The following LDB2 variants were observed in gnomAD, a reference collection of about 807,000 sequenced individuals.
LDB2 encodes the protein LIM domain binding 2.
LDB2 carries 12 observed loss-of-function variants against 44.3 expected under a neutral mutation model. The observed-to-expected ratio is 0.27, with a 90% CI of 0.17 to 0.44. The LOEUF (loss-of-function observed/expected upper bound fraction) is 0.44, where lower values mean the gene tolerates loss of function less well. LDB2 is among the 20% of genes least tolerant of loss of function. The pLI is 1.00. For synonymous variants in LDB2, 164 were observed against 174.8 expected (o/e 0.94, Z 0.49); for missense variants, 344 against 473.5 (o/e 0.73, Z 2.54).
chr4:16,691,283 C>G (rs1750721418), intron 2 of LDB2, among the ~76,000 whole-genome samples: 1 of 152,078 alleles, frequency 6.6e-6, no homozygotes, highest in Admixed American at 6.5e-5. Flanking sequence ...ATTCATTCAA[C>G]AAAGAGTTAA....
At chr4:16,668,298 GA>G (rs1743843633) in intron 2 of LDB2, among the ~76,000 whole-genome samples, 1 of 152,174 alleles carries the variant, frequency 6.6e-6, no homozygotes, top group Non-Finnish European at 1.5e-5. Flanking sequence ...TCACTGCTCT[GA>G]AATTGCCTGT....
At chr4:16,661,869 G>A (rs1350849240) in intron 2 of LDB2, among the ~76,000 whole-genome samples, 1 of 152,144 alleles carries the variant, frequency 6.6e-6, no homozygotes, top group South Asian at 2.1e-4. Flanking sequence ...AGACTTTCCA[G>A]GAATTAGTGA....
At chr4:16,647,379 T>C (rs140850222) in intron 2 of LDB2, among the ~76,000 whole-genome samples, 1 of 152,330 alleles carries the variant, frequency 6.6e-6, no homozygotes, top group African/African-American at 2.4e-5. Flanking sequence ...TCAATGAATA[T>C]AGCAAAAATT....
intron 5 of LDB2, among the ~76,000 whole-genome samples, chr4:16,530,342 GT>G (rs1237727870): frequency 1.3e-5 from 2 of 152,168 alleles, no homozygotes; most frequent in Non-Finnish European, 2.9e-5. Flanking sequence ...TTTGCTTTCA[GT>G]TGGGTCTAGT....
At chr4:16,796,998 A>G (rs1440926934) in intron 1 of LDB2, among the ~76,000 whole-genome samples, 1 of 152,238 alleles carries the variant, frequency 6.6e-6, no homozygotes, top group Non-Finnish European at 1.5e-5. Flanking sequence ...GCAACGTGGT[A>G]TTGTGCAGGG....
intron 2 of LDB2, 111 bp downstream of exon 2, chr4:16,759,047 G>A (rs1767301926): frequency 1.5e-6 from 1 of 672,870 alleles, no homozygotes; most frequent in Non-Finnish European, 2.6e-6. Context: ...ATTCTCAGGA[G>A]TGGAGGTATT....
rs1717755039 is a variant in LDB2, at chr4:16,502,437, A to G, written c.*206T>C. 1 of 685,892 alleles carries G rather than the reference A, an allele frequency of 1.5e-6. No homozygotes were observed. The highest frequency in any genetic ancestry group is 2.4e-6 in the Non-Finnish European group (1 of 419,154). 42.5% of individuals were successfully genotyped at this position (685,892 alleles called of 1,614,324 possible). ...ATCTGTATTACCTGTGAAGGCCTCCAAGAAAGGGTCATGGAAGCTTACTGG... is the reference window on the plus strand; with the variant it reads ...ATCTGTATTACCTGTGAAGGCCTCCGAGAAAGGGTCATGGAAGCTTACTGG... On this transcript the variant is annotated 3_prime_UTR_variant, in exon 8 of 8. Transcript: ENST00000304523.
At position 16,847,139 on chromosome 4, in the gene LDB2, C is replaced by A. The variant is rs1005587466; in HGVS notation, c.132+51215G>T. On this transcript the variant is annotated intron_variant, in intron 1 of 7. Coordinates refer to ENST00000304523, the MANE Select transcript of LDB2 (RefSeq NM_001290.5). ...AAATCCCCCGTAATTGTTTTTATGG[C>A]AAGATAAAAACATTTCTATATGTTG... is the stretch of plus-strand genomic sequence containing the variant. 3.3e-5 allele frequency among the ~76,000 whole-genome samples: 5 copies of A among 152,216 alleles called. No individual in the cohort carries two copies. In the East Asian group the frequency reaches 7.7e-4, roughly 24 times the overall value.
intron 1 of LDB2, among the ~76,000 whole-genome samples, chr4:16,863,090 A>G (rs1327165663): frequency 6.6e-6 from 1 of 152,194 alleles, no homozygotes; most frequent in African/African-American, 2.4e-5. Context: ...GCTTTGCTTT[A>G]TTAGTTAAGT....
At chr4:16,611,627 A>G (rs1725658697) in intron 2 of LDB2, among the ~76,000 whole-genome samples, 1 of 152,190 alleles carries the variant, frequency 6.6e-6, no homozygotes, top group Non-Finnish European at 1.5e-5. Flanking sequence ...AGGGCATTAC[A>G]TAGTGGTAAA....
intron 2 of LDB2, among the ~76,000 whole-genome samples, chr4:16,709,175 A>T (rs999393169): frequency 1.3e-5 from 2 of 152,220 alleles, no homozygotes; most frequent in Non-Finnish European, 2.9e-5. Context: ...GAATAAGTTA[A>T]ATTTTAAAAA....
intron 1 of LDB2, among the ~76,000 whole-genome samples, chr4:16,884,079 C>G (rs1169808600): frequency 6.6e-6 from 1 of 152,180 alleles, no homozygotes; most frequent in Non-Finnish European, 1.5e-5. Flanking sequence ...CCACCCTCCA[C>G]AAAGGGATCA....
At chr4:16,783,573 G>A (rs1404634332) in intron 1 of LDB2, among the ~76,000 whole-genome samples, 1 of 152,266 alleles carries the variant, frequency 6.6e-6, no homozygotes, top group Non-Finnish European at 1.5e-5. Flanking sequence ...TGGAGATCAT[G>A]TCTCTGGCTG....
chr4:16,703,441 G>A (rs1753935652), intron 2 of LDB2, among the ~76,000 whole-genome samples: 3 of 152,192 alleles, frequency 2.0e-5, no homozygotes, highest in South Asian at 2.1e-4. Flanking sequence ...ATGCCAATAA[G>A]GTCATTGTCA....
At position 16,870,627 on chromosome 4, in the gene LDB2, C is replaced by CTTTATTTATTTA. The variant is rs113417723; in HGVS notation, c.132+27715_132+27726dup. Among the ~76,000 whole-genome samples, 772 of 150,692 alleles carry CTTTATTTATTTA rather than the reference C, an allele frequency of 5.1e-3. 11 individuals carry two copies. Among genetic ancestry groups the CTTTATTTATTTA allele is most frequent in the East Asian group, 0.039 (193 of 4,984 alleles). On this transcript the variant is annotated intron_variant, in intron 1 of 7. Transcript: ENST00000304523. ...CACAACACTCACTTCCTTGCATTCTCTTTATTTATTTATTTATTTATTTTA... is the reference window on the plus strand; with the variant it reads ...CACAACACTCACTTCCTTGCATTCTCTTTATTTATTTATTTATTTATTTATTTATTTATTTTA...
At chr4:16,729,725 G>A (rs1760337334) in intron 2 of LDB2, among the ~76,000 whole-genome samples, 1 of 152,168 alleles carries the variant, frequency 6.6e-6, no homozygotes, top group Non-Finnish European at 1.5e-5. Context: ...GCAAGCTGAT[G>A]TATTTTAAAA....
intron 2 of LDB2, among the ~76,000 whole-genome samples, chr4:16,636,171 G>C (rs1242074137): frequency 6.6e-6 from 1 of 152,222 alleles, no homozygotes; most frequent in African/African-American, 2.4e-5. Context: ...TGTTATCCCA[G>C]TTTTACAGAA....
chr4:16,541,412 A>G (rs1733725574), intron 5 of LDB2, among the ~76,000 whole-genome samples: 4 of 152,186 alleles, frequency 2.6e-5, no homozygotes, highest in Admixed American at 2.6e-4. Context: ...TCAGAAGCCA[A>G]GCAGATGCCA....
intron 5 of LDB2, among the ~76,000 whole-genome samples, chr4:16,550,322 T>C (rs575124458): frequency 6.6e-6 from 1 of 152,336 alleles, no homozygotes; most frequent in Admixed American, 6.5e-5. Context: ...TAGCCCATCT[T>C]ATCTGTTTTG....
Sources: allele counts gnomAD v4.1 joint callset (sites outside exome capture counted in the v4.1 genomes callset), GRCh38; gene constraint gnomAD v4.1.1; transcripts MANE v1.5; gene names NCBI Gene and HGNC (gene_info 2026-07-23, HGNC 2026-07-21).